Variants in FRMD4A observed in about 807,000 individuals in gnomAD.
FRMD4A encodes FERM domain-containing protein 4A.
Under a neutral mutation model 129.1 loss-of-function variants are expected in FRMD4A, and 29 were observed. The ratio of observed to expected loss-of-function variants is 0.22; its 90% CI spans 0.17 to 0.31. The LOEUF is 0.31. FRMD4A is among the 10% of genes least tolerant of loss of function. The pLI is 1.00. For missense variants in FRMD4A, 1,272 were observed against 1,375.8 expected (o/e 0.92, Z 1.19); for synonymous variants, 634 against 571.6 (o/e 1.11, Z -1.56).
intron 12 of FRMD4A, among the ~76,000 whole-genome samples, chr10:13,715,952 T>G (rs558349987): frequency 6.7e-6 from 1 of 149,376 alleles, no homozygotes; most frequent in South Asian, 2.1e-4. Context: ...CACATTCCCC[T>G]CCGTCAATTA....
At chr10:13,752,562 A>G (rs1057241661) in intron 8 of FRMD4A, among the ~76,000 whole-genome samples, 1 of 152,244 alleles carries the variant, frequency 6.6e-6, no homozygotes, top group African/African-American at 2.4e-5. Flanking sequence ...TGCTAAAACC[A>G]GTCGTTTCTG....
At chr10:14,281,990 G>A (rs147598424) in intron 2 of FRMD4A, among the ~76,000 whole-genome samples, 1,604 of 152,274 alleles carry the variant, frequency 0.011, 22 homozygotes, top group African/African-American at 0.036. Flanking sequence ...ACAGTTACAC[G>A]TGGCGGGGGA....
chr10:13,987,359 A>T (rs768610317), intron 2 of FRMD4A, among the ~76,000 whole-genome samples: 40 of 152,336 alleles, frequency 2.6e-4, no homozygotes, highest in Admixed American at 6.5e-5. Flanking sequence ...CCCATGAAAA[A>T]GTTAAATCGT....
intron 12 of FRMD4A, 140 bp from the exon 13 acceptor site, chr10:13,707,253 G>T: frequency 2.6e-6 from 2 of 780,460 alleles, no homozygotes; most frequent in Non-Finnish European, 4.0e-6. Flanking sequence ...TCCGCCTCTT[G>T]CTTGACACAC....
Position 13,810,854 on chromosome 10 carries a change from T to C in FRMD4A, c.166A>G (p.Lys56Glu). 1 of 1,604,770 alleles carries C rather than the reference T, an allele frequency of 6.2e-7. No individual in the cohort carries two copies. The highest frequency in any genetic ancestry group is 8.5e-7 in the Non-Finnish European group (1 of 1,172,218). ...GCTATTCCAAAGTACTCCTTTTCCT[T>C]CAGATTGAAGTGAGAAGCCACAAGG... ...LDLVASHFNL[K>E]EKEYFGIAFT... The change falls in exon 4 of 25, where the codon AAG becomes GAG. Residue 56 changes from lysine (K) to glutamate (E), a missense_variant. Transcript: ENST00000357447.
intron 2 of FRMD4A, among the ~76,000 whole-genome samples, chr10:13,996,179 C>A (rs1476256613): frequency 6.6e-6 from 1 of 152,214 alleles, no homozygotes; most frequent in Non-Finnish European, 1.5e-5. Flanking sequence ...CTCCCAAAGG[C>A]CCCATCTCTT....
chr10:14,312,809 T>C (rs1013805437), intron 2 of FRMD4A, among the ~76,000 whole-genome samples: 6 of 152,130 alleles, frequency 3.9e-5, no homozygotes, highest in Non-Finnish European at 5.9e-5. Flanking sequence ...GAGGCTGCAG[T>C]GAGCTGCAAG....
intron 2 of FRMD4A, among the ~76,000 whole-genome samples, chr10:14,242,819 A>G (rs1844095765): frequency 6.6e-6 from 1 of 152,224 alleles, no homozygotes; most frequent in African/African-American, 2.4e-5. Context: ...TGTGGAAAGG[A>G]GTATGAAAGC....
rs1259027671 is a variant in FRMD4A at position 13,656,682 on chromosome 10, C to T, written c.2907G>A (p.Ala969=). The change falls in exon 22 of 25, where the codon GCG becomes GCA. Residue 969 remains alanine (A), a synonymous_variant. Coordinates refer to ENST00000357447, the MANE Select transcript of FRMD4A (RefSeq NM_018027.5). The part of the protein sequence containing the change: ...YSTSSQSTFV[A]HSRVTRMPQM... ...GGGGCATCCTGGTGACCCTGCTGTG[C>T]GCCACGAAGGTGCTCTGGGAGGAGG... is the stretch of plus-strand genomic sequence containing the variant. The T allele has an allele frequency of 5.8e-6, 9 of 1,538,914 alleles. No homozygotes were observed. Among genetic ancestry groups the T allele is most frequent in the Non-Finnish European group, 7.0e-6 (8 of 1,141,416 alleles).
intron 2 of FRMD4A, among the ~76,000 whole-genome samples, chr10:14,101,726 TAACACAACACAACACAACACAACAC>T (rs59561035): frequency 2.9e-4 from 42 of 146,414 alleles, no homozygotes; most frequent in African/African-American, 1.0e-3. Flanking sequence ...GCCTGGCTTC[TAACACAACACAACACAACACAACAC>T]AACACAACAC....
At chr10:14,241,259 G>T (rs1304521392) in intron 2 of FRMD4A, among the ~76,000 whole-genome samples, 1 of 152,140 alleles carries the variant, frequency 6.6e-6, no homozygotes, top group Non-Finnish European at 1.5e-5. Flanking sequence ...TATGAAATAG[G>T]CAATCAGTCC....
intron 2 of FRMD4A, among the ~76,000 whole-genome samples, chr10:14,012,181 A>G (rs771059704): frequency 8.6e-5 from 13 of 150,822 alleles, no homozygotes; most frequent in Non-Finnish European, 1.3e-4. Context: ...AAGATGCCTC[A>G]GGGATGGGGG....
In FRMD4A at chr10:13,884,216, A is replaced by ACTCACACACACTCT. The variant is rs1554956601; in HGVS notation, c.46-25305_46-25304insAGAGTGTGTGTGAG. On this transcript the variant is annotated intron_variant, in intron 2 of 24. Transcript: ENST00000357447. ...CACACTCACACACACACTCACACAC[A>ACTCACACACACTCT]CACACACACACACACACACACACAC... is the stretch of plus-strand genomic sequence containing the variant. Among the ~76,000 whole-genome samples the ACTCACACACACTCT allele has an allele frequency of 3.0e-3, 375 of 125,696 alleles. 4 individuals are homozygous for ACTCACACACACTCT. Among genetic ancestry groups the ACTCACACACACTCT allele is most frequent in the African/African-American group, 9.9e-3 (360 of 36,192 alleles). The allele number at this position is 125,696 out of a possible 152,430, so 82.5% of individuals were successfully genotyped here.
chr10:13,908,732 A>G (rs896132007), intron 2 of FRMD4A, among the ~76,000 whole-genome samples: 2 of 152,176 alleles, frequency 1.3e-5, no homozygotes, highest in African/African-American at 2.4e-5. Context: ...TGTCCACTTA[A>G]TTTGCTCCCT....
intron 2 of FRMD4A, among the ~76,000 whole-genome samples, chr10:14,123,888 G>T (rs529813726): frequency 6.6e-6 from 1 of 152,100 alleles, no homozygotes; most frequent in Non-Finnish European, 1.5e-5. Flanking sequence ...TTTAGGTAAC[G>T]TCTTGCACCT....
chr10:14,155,522 CA>C (rs774367124), intron 2 of FRMD4A, among the ~76,000 whole-genome samples: 1 of 152,086 alleles, frequency 6.6e-6, no homozygotes, highest in Non-Finnish European at 1.5e-5. Flanking sequence ...CCTCAATAGC[CA>C]TAAAGGATGT....
intron 2 of FRMD4A, among the ~76,000 whole-genome samples, chr10:14,090,885 G>C (rs1836622392): frequency 6.6e-6 from 1 of 151,966 alleles, no homozygotes; most frequent in African/African-American, 2.4e-5. Flanking sequence ...CTATGCTCAG[G>C]CTGGACTCAA....
chr10:14,139,244 G>A (rs1356873912), intron 2 of FRMD4A, among the ~76,000 whole-genome samples: 1 of 152,102 alleles, frequency 6.6e-6, no homozygotes, highest in Non-Finnish European at 1.5e-5. Context: ...AGATATAATG[G>A]CTATGAAATA....
chr10:14,013,638 C>T (rs1428481754), intron 2 of FRMD4A, among the ~76,000 whole-genome samples: 3 of 152,152 alleles, frequency 2.0e-5, no homozygotes, highest in Admixed American at 6.5e-5. Flanking sequence ...CAGAGAAAAC[C>T]ATGGCCAGCC....
Sources: allele counts gnomAD v4.1 joint callset (sites outside exome capture counted in the v4.1 genomes callset), GRCh38; gene constraint gnomAD v4.1.1; transcripts MANE v1.5; gene names NCBI Gene and HGNC (gene_info 2026-07-23, HGNC 2026-07-21).